The following NACC2 variants were observed in gnomAD, a reference collection of about 807,000 sequenced individuals.
NACC2 encodes NACC family member 2, also known as nucleus accumbens-associated protein 2.
A neutral mutation model predicts 25.1 loss-of-function variants in NACC2; 8 were observed. That is an observed-to-expected ratio of 0.32 (90% CI 0.19 to 0.57). NACC2 has a LOEUF of 0.57. NACC2 is among the 20% of genes least tolerant of loss of function. The pLI, the probability that NACC2 is intolerant of heterozygous loss-of-function variation, is 0.89. For synonymous variants in NACC2, 435 were observed against 294.7 expected, an observed-to-expected ratio of 1.48 and a Z score of -4.88; for missense variants, 644 against 650.2, an observed-to-expected ratio of 0.99 and a Z score of 0.10.
intron 2 of NACC2, among the ~76,000 whole-genome samples, chr9:136,023,407 C>G (rs1249219594): frequency 6.6e-6 from 1 of 152,096 alleles, no homozygotes; most frequent in Non-Finnish European, 1.5e-5. Flanking sequence ...CTGGGCTTCT[C>G]GACCAGCTCA....
intron 1 of NACC2, among the ~76,000 whole-genome samples, chr9:136,082,730 G>A (rs1037368277): frequency 6.6e-6 from 1 of 152,226 alleles, no homozygotes; most frequent in Non-Finnish European, 1.5e-5. Context: ...TCCAGCGTGT[G>A]CACCATCAGA....
At chr9:136,093,195 G>C (rs568653851) in intron 1 of NACC2, among the ~76,000 whole-genome samples, 2 of 152,324 alleles carry the variant, frequency 1.3e-5, no homozygotes, top group African/African-American at 4.8e-5. Context: ...CACAAACCAG[G>C]AAAGCAGGAC....
rs965959795 is a variant in NACC2, at chr9:136,051,465, G to C, written c.-59-885C>G. 9.0e-3 allele frequency among the ~76,000 whole-genome samples: 1,376 copies of C among 152,334 alleles called. 12 individuals carry two copies. Among genetic ancestry groups the C allele is most frequent in the Non-Finnish European group, 0.014 (945 of 68,012 alleles). On this transcript the variant is annotated intron_variant, in intron 1 of 5. Transcript: ENST00000277554. ...CCTCGCCGGGCTGCCCGGACCCCGGGGCTGGGAGCTGGGGAGGGCGCCGCT... is the reference window on the plus strand; with the variant it reads ...CCTCGCCGGGCTGCCCGGACCCCGGCGCTGGGAGCTGGGGAGGGCGCCGCT...
At chr9:136,062,818 G>A (rs929291754) in intron 1 of NACC2, among the ~76,000 whole-genome samples, 1 of 152,224 alleles carries the variant, frequency 6.6e-6, no homozygotes, top group Admixed American at 6.5e-5. Flanking sequence ...TTGGGAGCCT[G>A]AGGTGGGAGG....
In NACC2 at chr9:136,062,437, G is replaced by C. The variant is rs977966595; in HGVS notation, c.-59-11857C>G. 2.6e-5 allele frequency among the ~76,000 whole-genome samples: 4 copies of C among 152,150 alleles called. No homozygotes were observed. The South Asian group carries it at 8.3e-4, about 32-fold the overall frequency. ...CAAAGACAGTGAGGTTTTGGCCCGT[G>C]GGGCATTAACCAGTTTTAGACCTTG... On this transcript the variant is annotated intron_variant, in intron 1 of 5. Coordinates refer to ENST00000277554, the MANE Select transcript of NACC2 (RefSeq NM_144653.5).
chr9:136,076,542 G>A (rs1401175908), intron 1 of NACC2, among the ~76,000 whole-genome samples: 3 of 152,150 alleles, frequency 2.0e-5, no homozygotes, highest in East Asian at 1.9e-4. Flanking sequence ...CTGGGGGACT[G>A]CGGAGGGGAG....
chr9:136,035,438 T>C (rs1161065350), intron 2 of NACC2, among the ~76,000 whole-genome samples: 1 of 151,802 alleles, frequency 6.6e-6, no homozygotes, highest in Non-Finnish European at 1.5e-5. Flanking sequence ...TTCTACAAAA[T>C]AATGAACTGC....
At chr9:136,027,674 T>C (rs751600124) in intron 2 of NACC2, among the ~76,000 whole-genome samples, 3 of 152,180 alleles carry the variant, frequency 2.0e-5, no homozygotes, top group African/African-American at 4.8e-5. Flanking sequence ...TTTATCTGAA[T>C]GATAATGAAA....
At chr9:136,088,023 T>G (rs1480083754) in intron 1 of NACC2, among the ~76,000 whole-genome samples, 1 of 151,826 alleles carries the variant, frequency 6.6e-6, no homozygotes, top group South Asian at 2.1e-4. Context: ...TGCTGAGAAG[T>G]TCCAGAGGTG....
chr9:136,016,943 G>A (rs1270146341), intron 2 of NACC2, among the ~76,000 whole-genome samples: 1 of 152,116 alleles, frequency 6.6e-6, no homozygotes, highest in African/African-American at 2.4e-5. Flanking sequence ...GACAGGTACT[G>A]TGGCCCCCAA....
At position 136,055,959 on chromosome 9, in the gene NACC2, G is replaced by T. The variant is rs1466942054; in HGVS notation, c.-59-5379C>A. ...TGGAGTCAGCAGGAGCACAGGGGGT[G>T]TTAGGAATACAGTCTGGGGGCTGCT... On this transcript the variant is annotated intron_variant, in intron 1 of 5. Transcript: ENST00000277554. This position sits in a 1 kb window ranked among gnomAD's most constrained non-coding sequence, Gnocchi z 4.9. Among the ~76,000 whole-genome samples the T allele has an allele frequency of 6.6e-6, 1 of 152,196 alleles. No homozygotes were observed. Among genetic ancestry groups the T allele is most frequent in the Non-Finnish European group, 1.5e-5 (1 of 68,024 alleles).
At chr9:136,028,966 A>T (rs575850631) in intron 2 of NACC2, among the ~76,000 whole-genome samples, 1 of 152,254 alleles carries the variant, frequency 6.6e-6, no homozygotes, top group Non-Finnish European at 1.5e-5. Context: ...CACAAGAGGG[A>T]GGCCGAGGTG....
At chr9:136,075,157 A>G (rs1366154230) in intron 1 of NACC2, among the ~76,000 whole-genome samples, 1 of 152,234 alleles carries the variant, frequency 6.6e-6, no homozygotes, top group Non-Finnish European at 1.5e-5. Context: ...GGGGAGCCCC[A>G]GGTGTGGGTG....
rs371219779 is a variant in NACC2, at chr9:136,011,305, C to G, written c.*211G>C. 4.3e-6 allele frequency: 2 copies of G among 460,970 alleles called. No homozygotes were observed. The highest frequency in any genetic ancestry group is 2.0e-5 in the African/African-American group (1 of 49,124). 28.6% of individuals were successfully genotyped at this position (460,970 alleles called of 1,614,324 possible). A position where few individuals can be genotyped will look rare whatever the true frequency, so the allele number is the denominator to read the frequency against. On this transcript the variant is annotated 3_prime_UTR_variant, in exon 6 of 6. Coordinates refer to ENST00000277554, the MANE Select transcript of NACC2 (RefSeq NM_144653.5). Reference sequence around the variant, plus strand: ...CAAAAGGGAGCCCTGGGAACTTCCTCGCAGGAGGCTGCCAGTGGCCTAATT... The same window carrying G: ...CAAAAGGGAGCCCTGGGAACTTCCTGGCAGGAGGCTGCCAGTGGCCTAATT...
rs557066812 is a variant in NACC2 at position 136,086,058 on chromosome 9, C to T, written c.-60+9131G>A. Among the ~76,000 whole-genome samples, 76 of 152,190 alleles carry T rather than the reference C, an allele frequency of 5.0e-4. 1 individual carries two copies. Among genetic ancestry groups the T allele is most frequent in the African/African-American group, 1.7e-3 (70 of 41,508 alleles). Reference sequence around the variant, plus strand: ...GGCAGAGCCCGGAGTCCGGGCGCCACGCAGGGCAGCTCCGACGGGCAGGAG... The same window carrying T: ...GGCAGAGCCCGGAGTCCGGGCGCCATGCAGGGCAGCTCCGACGGGCAGGAG... On this transcript the variant is annotated intron_variant, in intron 1 of 5. Coordinates refer to ENST00000277554, the MANE Select transcript of NACC2 (RefSeq NM_144653.5). This position sits in a 1 kb window ranked among gnomAD's most constrained non-coding sequence, Gnocchi z 5.6.
intron 2 of NACC2, among the ~76,000 whole-genome samples, chr9:136,047,297 C>T (rs1458009971): frequency 6.6e-6 from 1 of 152,174 alleles, no homozygotes; most frequent in Non-Finnish European, 1.5e-5. Context: ...CCCCCCATGG[C>T]ACCGCCAACC....
chr9:136,038,451 G>A (rs1291467242), intron 2 of NACC2, among the ~76,000 whole-genome samples: 1 of 152,208 alleles, frequency 6.6e-6, no homozygotes, highest in Non-Finnish European at 1.5e-5. Flanking sequence ...GAGATGGGAA[G>A]ATGGCTTGAG....
Position 136,050,292 on chromosome 9 carries a change from C to T in NACC2, c.230G>A (p.Cys77Tyr). The T allele has an allele frequency of 1.3e-6, 1 of 753,024 alleles. No homozygotes were observed. The highest frequency in any genetic ancestry group is 2.5e-6 in the Non-Finnish European group (1 of 407,878). 46.6% of individuals were successfully genotyped at this position (753,024 alleles called of 1,614,324 possible). A position where few individuals can be genotyped will look rare whatever the true frequency, so the allele number is the denominator to read the frequency against. ...FELPGSVPPA[C>Y]FQQILSFCYT... ...GCAGAAGGACAGGATCTGCTGGAAGCAGGCGGGCGGCACGGAGCCGGGCAG... is the reference window on the plus strand; with the variant it reads ...GCAGAAGGACAGGATCTGCTGGAAGTAGGCGGGCGGCACGGAGCCGGGCAG... The change falls in exon 2 of 6, where the codon TGC becomes TAC. Residue 77 changes from cysteine (C) to tyrosine (Y), a missense_variant. Physicochemically the swap from Cys to Tyr is radical, Grantham distance 194 (BLOSUM62 -2). Coordinates refer to ENST00000277554, the MANE Select transcript of NACC2 (RefSeq NM_144653.5).
intron 2 of NACC2, among the ~76,000 whole-genome samples, chr9:136,016,790 G>T (rs1253727053): frequency 6.6e-6 from 1 of 152,212 alleles, no homozygotes. Context: ...AGGAGTGACA[G>T]CTCAGTGCTT....
Sources: allele counts gnomAD v4.1 joint callset (sites outside exome capture counted in the v4.1 genomes callset), GRCh38; gene constraint gnomAD v4.1.1; non-coding constraint Gnocchi (gnomAD v3.1); transcripts MANE v1.5; gene names NCBI Gene and HGNC (gene_info 2026-07-23, HGNC 2026-07-21).